CCDC170: variants seen among roughly 807,000 people sequenced by gnomAD.
CCDC170 encodes the protein coiled-coil domain containing 170, also known as coiled-coil domain-containing protein 170.
In CCDC170, 69 loss-of-function variants were observed where a neutral mutation model predicts 72.6. The observed-to-expected ratio is 0.95, with a 90% CI of 0.78 to 1.16. The LOEUF (loss-of-function observed/expected upper bound fraction) is 1.16, where lower values mean the gene tolerates loss of function less well. Among genes scored for constraint, CCDC170 ranks in the 50% most tolerant of loss-of-function variants. The pLI, the probability that CCDC170 is intolerant of heterozygous loss-of-function variation, is 0.00. For synonymous variants in CCDC170, 300 were observed against 303.9 expected, an observed-to-expected ratio of 0.99 and a Z score of 0.13; for missense variants, 852 against 832.5, an observed-to-expected ratio of 1.02 and a Z score of -0.29.
At chr6:151,494,326 G>A in intron 1 of CCDC170, 141 bp downstream of exon 1, 2 of 917,226 alleles carry the variant, frequency 2.2e-6, no homozygotes, top group Non-Finnish European at 3.0e-6. Context: ...CGCGAGGGCT[G>A]TGGCCTGGGA....
chr6:151,613,296 G>C (rs1168115438), intron 9 of CCDC170, among the ~76,000 whole-genome samples: 1 of 152,096 alleles, frequency 6.6e-6, no homozygotes, highest in Non-Finnish European at 1.5e-5. Context: ...CCAGCTACTG[G>C]GGAAGCTGAG....
intron 2 of CCDC170, among the ~76,000 whole-genome samples, chr6:151,536,731 C>G (rs1782589615): frequency 8.1e-6 from 1 of 123,350 alleles, no homozygotes; most frequent in African/African-American, 3.2e-5. Flanking sequence ...GGCGAGATCA[C>G]AGTACTGCAC....
chr6:151,556,111 TC>T (rs1291813607), intron 5 of CCDC170, among the ~76,000 whole-genome samples: 1 of 152,188 alleles, frequency 6.6e-6, no homozygotes, highest in East Asian at 1.9e-4. Context: ...TTTATAAGAC[TC>T]CTACAAAATG....
intron 7 of CCDC170, among the ~76,000 whole-genome samples, chr6:151,590,122 C>T (rs1340382089): frequency 5.3e-5 from 8 of 152,096 alleles, no homozygotes; most frequent in Admixed American, 4.6e-4. Flanking sequence ...CCCTAAGAGA[C>T]TTACCTATCT....
chr6:151,611,224 G>A (rs1276443155), intron 9 of CCDC170, among the ~76,000 whole-genome samples: 5 of 151,506 alleles, frequency 3.3e-5, no homozygotes, highest in South Asian at 2.1e-4. Flanking sequence ...GCAGTGAGCC[G>A]AGATTGTGCC....
rs1386767453 is a variant in CCDC170 at position 151,615,012 on chromosome 6, T to TG, written c.1711-427dup. 2.6e-5 allele frequency among the ~76,000 whole-genome samples: 4 copies of TG among 152,136 alleles called. No individual in the cohort carries two copies. In the East Asian group the frequency reaches 5.8e-4, roughly 22 times the overall value. On this transcript the variant is annotated intron_variant, in intron 9 of 10. Coordinates refer to ENST00000239374, the MANE Select transcript of CCDC170 (RefSeq NM_025059.4). ...AAGACTTGCTGAGGTGGATTTAAGG[T>TG]GGGGCTCTCATGGGATACAGCATTA...
intron 6 of CCDC170, among the ~76,000 whole-genome samples, chr6:151,577,995 C>T (rs1157205010): frequency 1.3e-5 from 2 of 152,082 alleles, no homozygotes; most frequent in African/African-American, 4.8e-5. Flanking sequence ...GCTTCACAGC[C>T]CCCTCCTCCC....
chr6:151,540,372 G>A (rs181926659), intron 3 of CCDC170, among the ~76,000 whole-genome samples: 3,346 of 36,890 alleles, frequency 0.091, 97 homozygotes, highest in Non-Finnish European at 0.16. Flanking sequence ...TTCTGCTGCT[G>A]CTTTTTTTTT....
intron 1 of CCDC170, among the ~76,000 whole-genome samples, chr6:151,534,799 C>A (rs1384012555): frequency 1.4e-4 from 22 of 152,194 alleles, no homozygotes; most frequent in Admixed American, 1.2e-3. Flanking sequence ...GCATTCATGA[C>A]TATATCAAAC....
intron 1 of CCDC170, among the ~76,000 whole-genome samples, chr6:151,496,858 G>A (rs955836862): frequency 5.3e-5 from 8 of 152,190 alleles, no homozygotes; most frequent in Admixed American, 2.0e-4. Flanking sequence ...ATCGCATAAC[G>A]TAGTTTGAGG....
At chr6:151,568,774 A>T (rs1271423613) in intron 5 of CCDC170, among the ~76,000 whole-genome samples, 1 of 152,216 alleles carries the variant, frequency 6.6e-6, no homozygotes, top group Admixed American at 6.5e-5. Flanking sequence ...TCCCCATTTC[A>T]TTTCAAGACT....
rs1777034451 is a variant in CCDC170 at position 151,620,000 on chromosome 6, T to G, written c.*1853T>G. ...TGCAATAATTGTAAAAATTTGAATG[T>G]GGACTAAGTCCTAGATTATATTAAA... On this transcript the variant is annotated 3_prime_UTR_variant, in exon 11 of 11. Transcript: ENST00000239374. 1 of 152,122 alleles carries G rather than the reference T, an allele frequency of 6.6e-6. No individual in the cohort carries two copies. Among genetic ancestry groups the G allele is most frequent in the East Asian group, 1.9e-4 (1 of 5,198 alleles). The allele number at this position is 152,122 out of a possible 1,614,324, so 9.4% of individuals were successfully genotyped here. A position where few individuals can be genotyped will look rare whatever the true frequency, so the allele number is the denominator to read the frequency against.
At chr6:151,595,499 T>C (rs912465122) in intron 8 of CCDC170, among the ~76,000 whole-genome samples, 7 of 152,114 alleles carry the variant, frequency 4.6e-5, no homozygotes, top group African/African-American at 1.7e-4. Context: ...AAAAATCTCC[T>C]TGGTATATCT....
intron 1 of CCDC170, among the ~76,000 whole-genome samples, chr6:151,517,245 T>C (rs1782248516): frequency 1.3e-5 from 2 of 151,956 alleles, no homozygotes; most frequent in Admixed American, 1.3e-4. Flanking sequence ...GGCAGGAGAA[T>C]TGCTTGAATC....
At chr6:151,584,358 AAG>A (rs1289478445) in intron 6 of CCDC170, among the ~76,000 whole-genome samples, 9 of 152,010 alleles carry the variant, frequency 5.9e-5, no homozygotes, top group South Asian at 2.1e-4. Flanking sequence ...CCTCACAGGG[AAG>A]AGTTTTTCCT....
intron 5 of CCDC170, among the ~76,000 whole-genome samples, chr6:151,553,039 G>A (rs1454632650): frequency 6.6e-6 from 1 of 151,820 alleles, no homozygotes; most frequent in Non-Finnish European, 1.5e-5. Context: ...CACCCACATC[G>A]GCCTCCCAAA....
At chr6:151,495,220 G>A (rs1341405597) in intron 1 of CCDC170, among the ~76,000 whole-genome samples, 1 of 151,964 alleles carries the variant, frequency 6.6e-6, no homozygotes, top group East Asian at 1.9e-4. Context: ...GAATATTTGT[G>A]GAAAATAAGT....
intron 4 of CCDC170, among the ~76,000 whole-genome samples, chr6:151,545,248 C>T (rs1255686870): frequency 3.9e-5 from 6 of 152,008 alleles, no homozygotes; most frequent in South Asian, 4.2e-4. Context: ...GGAGAAACCC[C>T]GTCTCTACTA....
chr6:151,592,983 C>T (rs1562293642), intron 7 of CCDC170, 124 bp from the exon 8 acceptor site: 1 of 1,034,298 alleles, frequency 9.7e-7, no homozygotes, highest in Non-Finnish European at 1.4e-6. Context: ...AGTCCGTGCT[C>T]CGTTCCATGC....
Sources: gnomAD v4.1 joint callset for allele counts (sites outside exome capture counted in the v4.1 genomes callset) on GRCh38, gnomAD v4.1.1 for gene constraint, MANE v1.5 for transcripts, NCBI Gene and HGNC (gene_info 2026-07-23, HGNC 2026-07-21) for gene names.